CD274: variants seen among roughly 807,000 people sequenced by gnomAD.
The protein encoded by CD274 is CD274 molecule, also known as programmed cell death 1 ligand 1.
A neutral mutation model predicts 30.1 loss-of-function variants in CD274; 8 were observed. The ratio of observed to expected loss-of-function variants is 0.27; its 90% CI spans 0.16 to 0.48. The LOEUF (loss-of-function observed/expected upper bound fraction) is 0.48, where lower values mean the gene tolerates loss of function less well. CD274 is among the 20% of genes least tolerant of loss of function. The probability of loss-of-function intolerance (pLI) is 0.99; values close to 1 mark genes in which losing one functional copy is unlikely to be tolerated. For missense variants in CD274, 353 were observed against 346.6 expected (o/e 1.02, Z -0.15); for synonymous variants, 152 against 124.6 (o/e 1.22, Z -1.46).
At chr9:5,459,925 T>A (rs527925813) in intron 3 of CD274, among the ~76,000 whole-genome samples, 1 of 152,140 alleles carries the variant, frequency 6.6e-6, no homozygotes, top group Admixed American at 6.6e-5. Context: ...CAGCCCTGTT[T>A]AAGTGTTCTC....
intron 4 of CD274, 172 bp downstream of exon 4, chr9:5,463,293 G>A: frequency 1.6e-6 from 1 of 611,248 alleles, no homozygotes; most frequent in East Asian, 2.8e-5. Context: ...AAACCATATT[G>A]TTACTTAATA....
At chr9:5,467,179 T>TC (rs1238776046) in intron 6 of CD274, among the ~76,000 whole-genome samples, 2 of 144,132 alleles carry the variant, frequency 1.4e-5, no homozygotes, top group Non-Finnish European at 3.0e-5. Context: ...TCTCATTTAA[T>TC]CCCCCACCCC....
chr9:5,455,017 A>C (rs1819275769), intron 1 of CD274, among the ~76,000 whole-genome samples: 1 of 152,090 alleles, frequency 6.6e-6, no homozygotes, highest in Admixed American at 6.5e-5. Context: ...ATTGATTGTT[A>C]GGAGCTATTT....
rs748476315 is a variant in CD274 at position 5,456,124 on chromosome 9, T to A, written c.11T>A (p.Phe4Tyr). 17 of 1,607,558 alleles carry A rather than the reference T, an allele frequency of 1.1e-5. No individual in the cohort carries two copies. The highest frequency in any genetic ancestry group is 1.0e-4 in the Admixed American group (6 of 59,912). ...GGGCATTCCAGAAAGATGAGGATAT[T>A]TGCTGTCTTTATATTCATGACCTAC... Reference protein sequence around the residue: MRIFAVFIFMTYWH... With the variant: MRIYAVFIFMTYWH... The change falls in exon 2 of 7, where the codon TTT becomes TAT. Residue 4 changes from phenylalanine to tyrosine, a missense_variant. Phe to Tyr is a conservative substitution (Grantham distance 22). Transcript: ENST00000381577.
At chr9:5,461,766 C>T (rs16923166) in intron 3 of CD274, among the ~76,000 whole-genome samples, 6,300 of 152,210 alleles carry the variant, frequency 0.041, 377 homozygotes, top group African/African-American at 0.13. Context: ...CAGCAAACTA[C>T]GTATCTTAAT....
rs1819433399 is a variant in CD274 at position 5,463,007 on chromosome 9, C to A, written c.568C>A (p.Leu190Ile). The change falls in exon 4 of 7, where the codon CTT (leucine) becomes ATT (isoleucine). Residue 190 changes from leucine to isoleucine, a missense_variant. By Grantham distance (5) the Leu-to-Ile change is conservative. Transcript: ENST00000381577. ...TTTNSKREEK[L>I]FNVTSTLRIN... Reference sequence around the variant, plus strand: ...CACCAATTCCAAGAGAGAGGAGAAGCTTTTCAATGTGACCAGCACACTGAG... The same window carrying A: ...CACCAATTCCAAGAGAGAGGAGAAGATTTTCAATGTGACCAGCACACTGAG... 6.2e-7 allele frequency: 1 copy of A among 1,613,966 alleles called. No individual in the cohort carries two copies. Among genetic ancestry groups the A allele is most frequent in the Non-Finnish European group, 8.5e-7 (1 of 1,179,910 alleles).
chr9:5,459,447 A>T (rs1819365185), intron 3 of CD274, among the ~76,000 whole-genome samples: 1 of 152,206 alleles, frequency 6.6e-6, no homozygotes, highest in Admixed American at 6.5e-5. Context: ...TTCCCAACTC[A>T]GGGAAGTAGA....
intron 1 of CD274, among the ~76,000 whole-genome samples, chr9:5,454,167 A>C (rs1819259237): frequency 6.6e-6 from 1 of 152,174 alleles, no homozygotes; most frequent in South Asian, 2.1e-4. Flanking sequence ...AGGTGAAGTG[A>C]TTCATGAAAT....
At chr9:5,458,847 C>T (rs6651525) in intron 3 of CD274, among the ~76,000 whole-genome samples, 1 of 151,946 alleles carries the variant, frequency 6.6e-6, no homozygotes, top group Non-Finnish European at 1.5e-5. Flanking sequence ...CCAGTCCATC[C>T]GCAAATATCA....
rs760293478 is a variant in CD274 at position 5,456,146 on chromosome 9, C to T, written c.33C>T (p.Thr11=). 6.2e-7 allele frequency: 1 copy of T among 1,608,666 alleles called. No homozygotes were observed. The highest frequency in any genetic ancestry group is 1.1e-5 in the South Asian group (1 of 90,918). The change falls in exon 2 of 7, where the codon ACC becomes ACT. Residue 11 remains threonine (T), a synonymous_variant. Coordinates refer to ENST00000381577, the MANE Select transcript of CD274 (RefSeq NM_014143.4). ...TATTTGCTGTCTTTATATTCATGAC[C>T]TACTGGCATTTGCTGAACGGTAAGA... The part of the protein sequence containing the change: MRIFAVFIFM[T]YWHLLNAFTV...
At chr9:5,452,157 C>T (rs1819217672) in intron 1 of CD274, among the ~76,000 whole-genome samples, 1 of 151,620 alleles carries the variant, frequency 6.6e-6, no homozygotes. Context: ...GCTGGGACTA[C>T]AGGCACCTGC....
chr9:5,466,174 C>A lies in CD274; in HGVS notation c.790+568C>A, dbSNP rs1243129706. 3.3e-5 allele frequency among the ~76,000 whole-genome samples: 5 copies of A among 152,054 alleles called. No homozygotes were observed. In the South Asian group the frequency reaches 1.0e-3, roughly 32 times the overall value. ...TTCCTCCAATACTTAGAGAAGTATA[C>A]CAAGAGATCCAGTGATGGTATAGAG... On this transcript the variant is annotated intron_variant, in intron 5 of 6. Transcript: ENST00000381577.
intron 1 of CD274, among the ~76,000 whole-genome samples, chr9:5,453,728 A>C (rs1365441900): frequency 6.6e-6 from 1 of 152,260 alleles, no homozygotes; most frequent in Non-Finnish European, 1.5e-5. Flanking sequence ...AAAAAAATTG[A>C]AAGATATACA....
chr9:5,467,050 C>T (rs913625771), intron 6 of CD274, among the ~76,000 whole-genome samples: 1 of 152,114 alleles, frequency 6.6e-6, no homozygotes, highest in African/African-American at 2.4e-5. Flanking sequence ...TGTTGCCCTG[C>T]ACCCTAGCAG....
rs1586770011 is a variant in CD274, at chr9:5,468,070, A to C, written c.*208A>C. 6.7e-6 allele frequency: 4 copies of C among 594,724 alleles called. No individual in the cohort carries two copies. Among genetic ancestry groups the C allele is most frequent in the Non-Finnish European group, 1.2e-5 (4 of 332,288 alleles). The allele number at this position is 594,724 out of a possible 1,614,324, so 36.8% of individuals were successfully genotyped here. A position where few individuals can be genotyped will look rare whatever the true frequency, so the allele number is the denominator to read the frequency against. On this transcript the variant is annotated 3_prime_UTR_variant, in exon 7 of 7. Transcript: ENST00000381577. ...GGAGTCAAACAGGGAGCCTGGAGGG[A>C]GACCTTGATACTTTCAAATGCCTGA...
Position 5,462,821 on chromosome 9 carries a change from G to A in CD274, c.395-13G>A. 1 of 1,605,766 alleles carries A rather than the reference G, an allele frequency of 6.2e-7. No individual in the cohort carries two copies. On this transcript the variant is annotated splice_polypyrimidine_tract_variant and intron_variant, in intron 3 of 6. Coordinates refer to ENST00000381577, the MANE Select transcript of CD274 (RefSeq NM_014143.4). ...TCAGCAAAAGCCCTGACTTCTTTTT[G>A]TTTATGTCCTAGCCCCATACAACAA...
At position 5,469,782 on chromosome 9, in the gene CD274, A is replaced by G. The variant is rs1819559783; in HGVS notation, c.*1920A>G. 1 of 232,840 alleles carries G rather than the reference A, an allele frequency of 4.3e-6. No individual in the cohort carries two copies. The highest frequency in any genetic ancestry group is 5.6e-5 in the Admixed American group (1 of 17,772). 14.4% of individuals were successfully genotyped at this position (232,840 alleles called of 1,614,324 possible). A position where few individuals can be genotyped will look rare whatever the true frequency, so the allele number is the denominator to read the frequency against. On this transcript the variant is annotated 3_prime_UTR_variant, in exon 7 of 7. Transcript: ENST00000381577. ...TTTATGTTTGCTCAAAAGGAGACCC[A>G]TGGGCTCTCCAGGGTGCACTGAGTC...
intron 3 of CD274, among the ~76,000 whole-genome samples, chr9:5,460,977 A>G (rs1024707369): frequency 6.6e-6 from 1 of 152,226 alleles, no homozygotes; most frequent in Non-Finnish European, 1.5e-5. Context: ...AGACATTTGT[A>G]CAAAAACAGA....
intron 1 of CD274, among the ~76,000 whole-genome samples, chr9:5,455,211 A>G (rs1819279285): frequency 6.6e-6 from 1 of 152,204 alleles, no homozygotes; most frequent in South Asian, 2.1e-4. Context: ...AAATGCACAG[A>G]TTGGCTGAAA....
Sources: gnomAD v4.1 joint callset for allele counts (sites outside exome capture counted in the v4.1 genomes callset) on GRCh38, gnomAD v4.1.1 for gene constraint, MANE v1.5 for transcripts, NCBI Gene and HGNC (gene_info 2026-07-23, HGNC 2026-07-21) for gene names.